HBS1L: variants seen among roughly 807,000 people sequenced by gnomAD.
HBS1L encodes HBS1-like protein.
A neutral mutation model predicts 88.9 loss-of-function variants in HBS1L; 55 were observed. The observed-to-expected ratio is 0.62, with a 90% CI of 0.50 to 0.77. The LOEUF (loss-of-function observed/expected upper bound fraction) is 0.77. Ranked by LOEUF, HBS1L falls within the 30% of genes least tolerant of loss-of-function variation. HBS1L has a pLI of 0.00. For synonymous variants in HBS1L, 267 were observed against 288.5 expected (o/e 0.93, Z 0.76); for missense variants, 741 against 829.3 (o/e 0.89, Z 1.31).
chr6:134,993,335 A>G (rs1025473265), intron 8 of HBS1L, among the ~76,000 whole-genome samples: 4 of 152,316 alleles, frequency 2.6e-5, no homozygotes, highest in African/African-American at 9.6e-5. Context: ...AAGAAAGTAA[A>G]TAAACCACTG....
intron 7 of HBS1L, among the ~76,000 whole-genome samples, chr6:134,995,929 T>A (rs1372479989): frequency 6.6e-6 from 1 of 152,082 alleles, no homozygotes; most frequent in Non-Finnish European, 1.5e-5. Context: ...TATATGTTTA[T>A]AATGGAGACT....
intron 4 of HBS1L, among the ~76,000 whole-genome samples, chr6:135,028,497 CAT>C (rs34642393): frequency 0.31 from 46,594 of 151,922 alleles, 7,632 homozygotes; most frequent in Non-Finnish European, 0.37. Flanking sequence ...TAAATCCTAT[CAT>C]AAAACAAATC....
intron 8 of HBS1L, among the ~76,000 whole-genome samples, chr6:134,991,990 C>A (rs761928560): frequency 6.6e-6 from 1 of 152,144 alleles, no homozygotes; most frequent in African/African-American, 2.4e-5. Flanking sequence ...ATCCCTTGAG[C>A]CCGGGAAGTT....
chr6:134,969,187 A>T (rs1333540474), intron 16 of HBS1L, 51 bp downstream of exon 16: 1 of 1,194,084 alleles, frequency 8.4e-7, no homozygotes. Flanking sequence ...GTTAATCTTT[A>T]AAAAATTGGC....
chr6:134,996,675 C>A, intron 7 of HBS1L, 102 bp downstream of exon 7: 1 of 851,466 alleles, frequency 1.2e-6, no homozygotes, highest in East Asian at 2.9e-5. Context: ...TAAAAATAAT[C>A]TCTAAAGTAT....
At chr6:135,015,908 G>A (rs1249490114) in intron 4 of HBS1L, among the ~76,000 whole-genome samples, 4 of 103,718 alleles carry the variant, frequency 3.9e-5, no homozygotes, top group African/African-American at 7.6e-5. Flanking sequence ...TTTTCCAGAC[G>A]GAGTCTTGTT....
intron 16 of HBS1L, among the ~76,000 whole-genome samples, chr6:134,966,931 AGG>A (rs1774333195): frequency 6.6e-6 from 1 of 152,210 alleles, no homozygotes; most frequent in African/African-American, 2.4e-5. Context: ...AATGTGTATT[AGG>A]AAGTTATCTG....
chr6:135,027,335 CAG>C (rs1776264542), intron 4 of HBS1L: 2 of 150,710 alleles, frequency 1.3e-5, no homozygotes, highest in African/African-American at 4.9e-5. Context: ...ACTCAATAAA[CAG>C]AGTACAGATC....
At chr6:134,975,713 C>T (rs1372014814) in intron 15 of HBS1L, among the ~76,000 whole-genome samples, 1 of 152,010 alleles carries the variant, frequency 6.6e-6, no homozygotes, top group Non-Finnish European at 1.5e-5. Context: ...TGGATAGCTA[C>T]ATATGGAAGA....
chr6:134,996,862 T>C lies in HBS1L; in HGVS notation c.880A>G (p.Lys294Glu), dbSNP rs2114803831. The C allele has an allele frequency of 1.2e-6, 2 of 1,612,164 alleles. No individual in the cohort carries two copies. The highest frequency in any genetic ancestry group is 1.7e-6 in the Non-Finnish European group (2 of 1,179,182). The change falls in exon 7 of 18, where the codon AAG becomes GAG. Residue 294 changes from lysine (K) to glutamate (E), a missense_variant. Lys to Glu is a moderately conservative substitution (Grantham distance 56). Coordinates refer to ENST00000367837, the MANE Select transcript of HBS1L (RefSeq NM_006620.4). ...LGNINKRTMH[K>E]YEQESKKAGK... ...GCCTTTTTAGACTCCTGTTCATACT[T>C]ATGCATAGTTCTTTTGTTTATATTA...
rs1583085400 is a variant in HBS1L, at chr6:134,993,836, G to C, written c.1005C>G (p.Thr335=). The change falls in exon 8 of 18, where the codon ACC becomes ACG. Residue 335 remains threonine, a synonymous_variant. Transcript: ENST00000367837. The part of the protein sequence containing the change: ...TMDVGMTKFE[T]TTKVITLMDA... ...CCATTAATGTAATAACTTTGGTTGT[G>C]GTTTCAAACTTTGTCATACCAACAT... 4.4e-6 allele frequency: 7 copies of C among 1,604,360 alleles called. No homozygotes were observed. In the East Asian group the frequency reaches 1.3e-4, roughly 31 times the overall value.
At chr6:134,968,374 G>A (rs535001069) in intron 16 of HBS1L, among the ~76,000 whole-genome samples, 1 of 151,914 alleles carries the variant, frequency 6.6e-6, no homozygotes, top group Admixed American at 6.6e-5. Flanking sequence ...TCAGCCTCCT[G>A]AGTAGCTGGG....
chr6:135,038,091 C>T, intron 4 of HBS1L: 1 of 1,265,346 alleles, frequency 7.9e-7, no homozygotes. Context: ...ACAGTCACAG[C>T]AACCAAAAGG....
chr6:135,019,249 G>A (rs1776006246), intron 4 of HBS1L, among the ~76,000 whole-genome samples: 1 of 151,880 alleles, frequency 6.6e-6, no homozygotes, highest in African/African-American at 2.4e-5. Flanking sequence ...ACAAGTACCA[G>A]TGCTCTTCTA....
rs1774182435 is a variant in HBS1L at position 134,961,234 on chromosome 6, A to G, written c.*4045T>C. On this transcript the variant is annotated 3_prime_UTR_variant, in exon 18 of 18. Transcript: ENST00000367837. ...CCCTTTATGGACTATAAGTAACTTA[A>G]TGCTTTTCTTTCCCTATTTCATATC... 2.0e-5 allele frequency: 3 copies of G among 152,046 alleles called. No homozygotes were observed. Among genetic ancestry groups the G allele is most frequent in the African/African-American group, 7.2e-5 (3 of 41,488 alleles). The allele number at this position is 152,046 out of a possible 1,614,324, so 9.4% of individuals were successfully genotyped here. A position where few individuals can be genotyped will look rare whatever the true frequency, so the allele number is the denominator to read the frequency against.
intron 7 of HBS1L, among the ~76,000 whole-genome samples, 159 bp downstream of exon 7, chr6:134,996,618 A>C (rs1775295177): frequency 1.3e-5 from 2 of 152,230 alleles, no homozygotes; most frequent in African/African-American, 4.8e-5. Context: ...TATGCAGATT[A>C]CATCAAAAAA....
chr6:135,043,956 A>G (rs1048677657), intron 2 of HBS1L, among the ~76,000 whole-genome samples: 1 of 152,214 alleles, frequency 6.6e-6, no homozygotes, highest in Admixed American at 6.5e-5. Context: ...ATAAAGTCCG[A>G]TAACACCAAC....
rs112112993 is a variant in HBS1L at position 134,961,736 on chromosome 6, A to G, written c.*3543T>C. The G allele has an allele frequency of 1.9e-4, 29 of 152,290 alleles. No individual in the cohort carries two copies. Among genetic ancestry groups the G allele is most frequent in the African/African-American group, 6.7e-4 (28 of 41,544 alleles). 9.4% of individuals were successfully genotyped at this position (152,290 alleles called of 1,614,324 possible). The stretch of plus-strand genomic sequence containing the variant: ...ACTTGAGCCCTCCTTAAAATTAGCT[A>G]CATGTGCTCAAATTCTTAGCAAGCC... On this transcript the variant is annotated 3_prime_UTR_variant, in exon 18 of 18. Coordinates refer to ENST00000367837, the MANE Select transcript of HBS1L (RefSeq NM_006620.4).
chr6:134,966,571 A>G, intron 16 of HBS1L, 98 bp from the exon 17 acceptor site: 1 of 735,632 alleles, frequency 1.4e-6, no homozygotes, highest in East Asian at 2.8e-5. Flanking sequence ...TAACCAACAT[A>G]TCAACTGAGT....
Sources: allele counts gnomAD v4.1 joint callset (sites outside exome capture counted in the v4.1 genomes callset), GRCh38; gene constraint gnomAD v4.1.1; transcripts MANE v1.5; gene names NCBI Gene and HGNC (gene_info 2026-07-23, HGNC 2026-07-21).